DNAH9: variants seen among roughly 807,000 people sequenced by gnomAD.
The protein encoded by DNAH9 is DNAH9 variant protein.
Under a neutral mutation model 471.6 loss-of-function variants are expected in DNAH9, and 345 were observed. The ratio of observed to expected loss-of-function variants is 0.73; its 90% confidence interval spans 0.67 to 0.80. DNAH9 has a LOEUF of 0.80. Ranked by LOEUF, DNAH9 falls within the 30% of genes least tolerant of loss-of-function variation. DNAH9 has a pLI of 0.00. For missense variants in DNAH9, 5,407 were observed against 5,609.2 expected (o/e 0.96, Z 1.15); for synonymous variants, 2,093 against 2,123.6 (o/e 0.99, Z 0.40).
At chr17:11,641,926 C>CCAGGGAGTTTGGGCCCTT (rs1352970250) in intron 10 of DNAH9, among the ~76,000 whole-genome samples, 89 of 152,270 alleles carry the variant, frequency 5.8e-4, no homozygotes, top group African/African-American at 2.0e-3. Flanking sequence ...AGCTGGTCCT[C>CCAGGGAGTTTGGGCCCTT]CAGGGAGTTT....
intron 17 of DNAH9, among the ~76,000 whole-genome samples, chr17:11,676,972 C>T (rs1028097398): frequency 6.6e-6 from 1 of 151,634 alleles, no homozygotes; most frequent in African/African-American, 2.4e-5. Context: ...TTATTAATTT[C>T]CAACTTAATT....
In DNAH9 at chr17:11,722,216, T is replaced by TG. The variant is rs767080953; in HGVS notation, c.5709+2727dup. Among the ~76,000 whole-genome samples, 42 of 152,018 alleles carry TG rather than the reference T, an allele frequency of 2.8e-4. 1 individual carries two copies. The highest frequency in any genetic ancestry group is 3.2e-3 in the Middle Eastern group (1 of 314). On this transcript the variant is annotated intron_variant, in intron 27 of 68. Transcript: ENST00000262442. ...GTCCATAGTGAAAGCTAGAAATAAA[T>TG]GCGGAACAAGGGCTAAGCTACCTTA...
chr17:11,736,927 A>G (rs554812689), intron 28 of DNAH9, among the ~76,000 whole-genome samples: 2 of 152,330 alleles, frequency 1.3e-5, no homozygotes, highest in South Asian at 4.1e-4. Context: ...CCACTCCCTA[A>G]TAAGGCGAGT....
intron 28 of DNAH9, among the ~76,000 whole-genome samples, chr17:11,732,848 G>A (rs2075290604): frequency 6.6e-6 from 1 of 152,032 alleles, no homozygotes; most frequent in Non-Finnish European, 1.5e-5. Context: ...TCTCTTCCCT[G>A]CATTACAAGC....
intron 49 of DNAH9, among the ~76,000 whole-genome samples, chr17:11,849,305 C>T (rs1208082004): frequency 6.6e-6 from 1 of 152,218 alleles, no homozygotes; most frequent in African/African-American, 2.4e-5. Flanking sequence ...CATCCACTCT[C>T]CCCTGCCACA....
chr17:11,756,543 G>T lies in DNAH9; in HGVS notation c.6739-25G>T, dbSNP rs371744714. ...AAGGCACCTCCCTCCTTCCTCACTG[G>T]CATGCCCTTCCCTGTTGTCTCCAGG... On this transcript the variant is annotated intron_variant, in intron 33 of 68. Transcript: ENST00000262442. The T allele has an allele frequency of 1.1e-5, 15 of 1,390,316 alleles. No homozygotes were observed. In the African/African-American group the frequency reaches 2.1e-4, roughly 20 times the overall value. The allele number at this position is 1,390,316 out of a possible 1,614,324, so 86.1% of individuals were successfully genotyped here.
intron 8 of DNAH9, 113 bp from the exon 9 acceptor site, chr17:11,636,521 A>C: frequency 1.4e-6 from 1 of 730,016 alleles, no homozygotes; most frequent in Non-Finnish European, 2.3e-6. Flanking sequence ...AACACTGTTC[A>C]CTCTTCTTAC....
intron 38 of DNAH9, among the ~76,000 whole-genome samples, chr17:11,771,652 G>A (rs971721563): frequency 6.6e-6 from 1 of 152,298 alleles, no homozygotes; most frequent in South Asian, 2.1e-4. Flanking sequence ...GCAGTTCGCT[G>A]TCTGCCTCAT....
chr17:11,747,915 A>T, intron 32 of DNAH9, 149 bp downstream of exon 32: 1 of 709,118 alleles, frequency 1.4e-6, no homozygotes, highest in Non-Finnish European at 2.3e-6. Context: ...GTAGAAAGGG[A>T]GAAACCAATT....
intron 17 of DNAH9, among the ~76,000 whole-genome samples, chr17:11,676,010 C>A (rs1249934491): frequency 6.6e-6 from 1 of 151,748 alleles, no homozygotes; most frequent in Non-Finnish European, 1.5e-5. Flanking sequence ...ATTTTCTGAT[C>A]TGTGAGAGTT....
chr17:11,941,209 AG>A (rs951947817), intron 66 of DNAH9, among the ~76,000 whole-genome samples: 70 of 152,284 alleles, frequency 4.6e-4, no homozygotes, highest in African/African-American at 1.6e-3. Context: ...CAAAGGAGAT[AG>A]GGAATTGTTC....
At chr17:11,745,617 A>T (rs1039016744) in intron 31 of DNAH9, among the ~76,000 whole-genome samples, 4 of 152,232 alleles carry the variant, frequency 2.6e-5, no homozygotes, top group African/African-American at 9.6e-5. Context: ...CAACAAAAAC[A>T]GCCAGTGAAA....
chr17:11,863,717 C>G (rs1475110526), intron 50 of DNAH9, among the ~76,000 whole-genome samples: 3 of 150,444 alleles, frequency 2.0e-5, no homozygotes, highest in Non-Finnish European at 4.4e-5. Flanking sequence ...TTGGTCTATT[C>G]AGAGATTCAA....
chr17:11,716,869 C>G (rs2074974177), intron 26 of DNAH9, among the ~76,000 whole-genome samples: 1 of 152,060 alleles, frequency 6.6e-6, no homozygotes, highest in African/African-American at 2.4e-5. Context: ...AGCTTGTCCT[C>G]CTGGGAGGCA....
chr17:11,652,431 AC>A, intron 13 of DNAH9, among the ~76,000 whole-genome samples: 1 of 151,524 alleles, frequency 6.6e-6, no homozygotes, highest in South Asian at 2.1e-4. Context: ...GACTACAGGC[AC>A]CCACCACCCC....
At chr17:11,717,687 A>G (rs1012081546) in intron 26 of DNAH9, among the ~76,000 whole-genome samples, 3 of 152,198 alleles carry the variant, frequency 2.0e-5, no homozygotes, top group Non-Finnish European at 4.4e-5. Context: ...CAGGTGTACA[A>G]TGTACAACTG....
intron 45 of DNAH9, among the ~76,000 whole-genome samples, chr17:11,819,725 G>T (rs1970244140): frequency 6.6e-6 from 1 of 152,140 alleles, no homozygotes; most frequent in African/African-American, 2.4e-5. Context: ...TGTTGAGAAA[G>T]AACCAGAAAG....
chr17:11,741,998 G>A (rs2075439467), intron 29 of DNAH9, among the ~76,000 whole-genome samples, 177 bp from the exon 30 acceptor site: 1 of 152,136 alleles, frequency 6.6e-6, no homozygotes, highest in Non-Finnish European at 1.5e-5. Flanking sequence ...GCTAACTGCA[G>A]CAGCACATAG....
At chr17:11,861,311 G>A (rs1246596910) in intron 50 of DNAH9, among the ~76,000 whole-genome samples, 2 of 151,810 alleles carry the variant, frequency 1.3e-5, no homozygotes, top group Non-Finnish European at 2.9e-5. Flanking sequence ...TACTGAGAAT[G>A]ATGATTTCCA....
Sources: allele counts gnomAD v4.1 joint callset (sites outside exome capture counted in the v4.1 genomes callset), GRCh38; gene constraint gnomAD v4.1.1; transcripts MANE v1.5; gene names NCBI Gene and HGNC (gene_info 2026-07-23, HGNC 2026-07-21).